GDF3: variants seen among roughly 807,000 people sequenced by gnomAD.
GDF3 encodes the protein growth differentiation factor 3.
In GDF3, 10 loss-of-function variants were observed where a neutral mutation model predicts 10.2. The observed-to-expected ratio is 0.98, with a 90% confidence interval of 0.60 to 1.66. The LOEUF (loss-of-function observed/expected upper bound fraction) is 1.66, where lower values mean the gene tolerates loss of function less well. Among genes scored for constraint, GDF3 ranks in the 40% most tolerant of loss-of-function variants. GDF3 has a pLI of 0.00. For synonymous variants in GDF3, 166 were observed against 178.5 expected (o/e 0.93, Z 0.56); for missense variants, 450 against 438.3 (o/e 1.03, Z -0.24).
At chr12:7,691,461 C>T (rs779422338) in intron 1 of GDF3, among the ~76,000 whole-genome samples, 14 of 151,266 alleles carry the variant, frequency 9.3e-5, no homozygotes, top group African/African-American at 3.4e-4. Flanking sequence ...AATCCCAGCA[C>T]GTTGGGAGGC....
Position 7,690,302 on chromosome 12 carries a change from C to G in GDF3, c.671G>C (p.Arg224Thr). Residue 224 changes from arginine to threonine, a missense_variant, in exon 2 of 2, where the codon AGA becomes ACA. Physicochemically the swap from Arg to Thr is moderately conservative, Grantham distance 71. Transcript: ENST00000329913. ...GGAAGCATGAAGGGAGCATCTTAGT[C>G]TGGCACAGGTGTCTTCAGGCTGAAA... The part of the protein sequence containing the change: ...VNFQPEDTCA[R>T]LRCSLHASLL... 1 of 1,614,154 alleles carries G rather than the reference C, an allele frequency of 6.2e-7. No individual in the cohort carries two copies. The highest frequency in any genetic ancestry group is 1.1e-5 in the South Asian group (1 of 91,084).
rs1864111049 is a variant in GDF3 at position 7,690,201 on chromosome 12, G to A, written c.772C>T (p.Leu258Phe). Residue 258 changes from leucine (L) to phenylalanine (F), a missense_variant, in exon 2 of 2, where the codon CTT (leucine) becomes TTT (phenylalanine). By Grantham distance (22) the Leu-to-Phe change is conservative. Coordinates refer to ENST00000329913, the MANE Select transcript of GDF3 (RefSeq NM_020634.3). Reference protein sequence around the residue: ...KRRAAIPVPKLSCKNLCHRHQ... With the variant: ...KRRAAIPVPKFSCKNLCHRHQ... ...CGGTGGCAGAGGTTCTTACAAGAAA[G>A]CTTGGGGACAGGGATGGCTGCTCTC... 2.5e-6 allele frequency: 4 copies of A among 1,614,154 alleles called. No individual in the cohort carries two copies. In the East Asian group the frequency reaches 6.7e-5, roughly 27 times the overall value.
chr12:7,694,352 C>T (rs1220471889), intron 1 of GDF3, among the ~76,000 whole-genome samples: 1 of 151,996 alleles, frequency 6.6e-6, no homozygotes, highest in Non-Finnish European at 1.5e-5. Context: ...CACCTGAAGT[C>T]AGGAGTTCAA....
chr12:7,692,365 G>A (rs1864140521), intron 1 of GDF3, among the ~76,000 whole-genome samples: 1 of 151,730 alleles, frequency 6.6e-6, no homozygotes, highest in African/African-American at 2.4e-5. Context: ...GGGAGGCAGA[G>A]GTTGTGGTGA....
chr12:7,694,202 C>A (rs772219099), intron 1 of GDF3, among the ~76,000 whole-genome samples: 2 of 152,186 alleles, frequency 1.3e-5, no homozygotes, highest in African/African-American at 4.8e-5. Context: ...GGTGGGTCAA[C>A]TCTTGCAGAA....
At chr12:7,690,758 C>A in intron 1 of GDF3, 54 bp from the exon 2 acceptor site, 2 of 984,242 alleles carry the variant, frequency 2.0e-6, no homozygotes, top group Non-Finnish European at 3.3e-6. Flanking sequence ...ACTTCATATC[C>A]ACCTATATAA....
chr12:7,690,448 T>C lies in GDF3; in HGVS notation c.525A>G (p.Pro175=), dbSNP rs1864115754. 2 of 1,614,098 alleles carry C rather than the reference T, an allele frequency of 1.2e-6. No homozygotes were observed. Among genetic ancestry groups the C allele is most frequent in the East Asian group, 2.2e-5 (1 of 44,864 alleles). Residue 175 remains proline (P), a synonymous_variant, in exon 2 of 2, where the codon CCA becomes CCG. Transcript: ENST00000329913. ...KMFVLRSVPW[P]QGAVHFNLLD... ...GCAGGTTGAAGTGAACAGCACCTTG[T>C]GGCCATGGGACTGACCGCAACACAA... is the stretch of plus-strand genomic sequence containing the variant.
At chr12:7,693,305 A>G (rs1864150755) in intron 1 of GDF3, among the ~76,000 whole-genome samples, 1 of 150,922 alleles carries the variant, frequency 6.6e-6, no homozygotes, top group African/African-American at 2.4e-5. Flanking sequence ...CGGGTGTTCA[A>G]TCGATTTTCC....
chr12:7,692,425 C>T (rs953033320), intron 1 of GDF3, among the ~76,000 whole-genome samples: 11 of 148,270 alleles, frequency 7.4e-5, no homozygotes, highest in African/African-American at 2.2e-4. Context: ...AGCAAAACTC[C>T]GTCTCAGTTA....
In GDF3 at chr12:7,690,616, C is replaced by T. The variant is rs753764679; in HGVS notation, c.357G>A (p.Arg119=). ...CCAGCTGGGCCAATGTCAACTGTTC[C>T]CTTTCTTTGATGGCAGACAGGTTAA... is the stretch of plus-strand genomic sequence containing the variant. The part of the protein sequence containing the change: ...LYFNLSAIKE[R]EQLTLAQLGL... The change falls in exon 2 of 2, where the codon AGG becomes AGA. Residue 119 remains arginine (R), a synonymous_variant. Transcript: ENST00000329913. The T allele has an allele frequency of 1.2e-6, 2 of 1,608,706 alleles. No individual in the cohort carries two copies. Among genetic ancestry groups the T allele is most frequent in the African/African-American group, 1.3e-5 (1 of 74,534 alleles).
In GDF3 at chr12:7,695,618, C is replaced by T. The variant is rs376751766; in HGVS notation, c.111G>A (p.Lys37=). ...YVFLQFLGLD[K]APSPQKFQPV... ...GTTGGAACTTCTGGGGTGAAGGCGC[C>T]TTATCTAAGCCCAGAAATTGGAGAA... The change falls in exon 1 of 2, where the codon AAG becomes AAA. Residue 37 remains lysine, a synonymous_variant. Coordinates refer to ENST00000329913, the MANE Select transcript of GDF3 (RefSeq NM_020634.3). The T allele has an allele frequency of 3.7e-5, 59 of 1,614,002 alleles. 1 individual carries two copies. The highest frequency in any genetic ancestry group is 6.7e-5 in the Admixed American group (4 of 59,980).
rs6488591 is a variant in GDF3 at position 7,695,344 on chromosome 12, C to A, written c.268+117G>T. Reference sequence around the variant, plus strand: ...GGATCGTGGCTGGAATTAAATGAGACAAAATATGAAAAATACCAGCACAAG... The same window carrying A: ...GGATCGTGGCTGGAATTAAATGAGAAAAAATATGAAAAATACCAGCACAAG... On this transcript the variant is annotated intron_variant, in intron 1 of 1. Coordinates refer to ENST00000329913, the MANE Select transcript of GDF3 (RefSeq NM_020634.3). The A allele has an allele frequency of 2.5e-5, 26 of 1,023,836 alleles. 1 individual carries two copies. In the East Asian group the frequency reaches 2.8e-4, roughly 11 times the overall value. The allele number at this position is 1,023,836 out of a possible 1,614,324, so 63.4% of individuals were successfully genotyped here. A position where few individuals can be genotyped will look rare whatever the true frequency, so the allele number is the denominator to read the frequency against.
Position 7,691,588 on chromosome 12 carries a change from C to A in GDF3, c.269-884G>T, listed in dbSNP as rs553864519. 2.4e-3 allele frequency among the ~76,000 whole-genome samples: 360 copies of A among 150,302 alleles called. 3 individuals are homozygous for A. Among genetic ancestry groups the A allele is most frequent in the South Asian group, 0.022 (105 of 4,714 alleles). On this transcript the variant is annotated intron_variant, in intron 1 of 1. Transcript: ENST00000329913. ...AAGAAAAGAAAAAGAAAAAAAAAAA[C>A]AAAACACTTATGCTAACACTATGCC...
intron 1 of GDF3, among the ~76,000 whole-genome samples, chr12:7,693,424 T>G (rs1306050975): frequency 9.8e-5 from 11 of 112,364 alleles, no homozygotes; most frequent in Admixed American, 3.2e-4. Flanking sequence ...GTCAGGGGAG[T>G]GGGGGGAGGG....
Position 7,690,093 on chromosome 12 carries a change from G to C in GDF3, c.880C>G (p.His294Asp), listed in dbSNP as rs1175697361. ...GTCAGTGAGAAGGGACACTCTCCAT[G>C]GCAGTAATTTGCCATGAACCCCTTG... Reference protein sequence around the residue: ...APKGFMANYCHGECPFSLTIS... With the variant: ...APKGFMANYCDGECPFSLTIS... Residue 294 changes from histidine (H) to aspartate (D), a missense_variant, in exon 2 of 2, where the codon CAT becomes GAT. Transcript: ENST00000329913. 1 of 1,614,074 alleles carries C rather than the reference G, an allele frequency of 6.2e-7. No homozygotes were observed. Among genetic ancestry groups the C allele is most frequent in the Admixed American group, 1.7e-5 (1 of 59,980 alleles).
intron 1 of GDF3, among the ~76,000 whole-genome samples, chr12:7,694,717 G>T (rs745394371): frequency 3.3e-5 from 5 of 151,948 alleles, no homozygotes; most frequent in African/African-American, 7.3e-5. Context: ...ACTAACCAAG[G>T]CTCTAAATTC....
rs780667706 is a variant in GDF3 at position 7,695,555 on chromosome 12, G to A, written c.174C>T (p.Arg58=). The A allele has an allele frequency of 9.4e-5, 151 of 1,614,012 alleles. 2 individuals carry two copies. The South Asian group carries it at 1.1e-3, about 11-fold the overall frequency. Residue 58 remains arginine (R), a synonymous_variant, in exon 1 of 2, where the codon CGC becomes CGT. Transcript: ENST00000329913. The part of the protein sequence containing the change: ...PYILKKIFQD[R]EAAATTGVSR... Reference sequence around the variant, plus strand: ...AGACCCCAGTGGTCGCTGCTGCCTCGCGATCCTGGAAAATTTTCTTCAAGA... The same window carrying A: ...AGACCCCAGTGGTCGCTGCTGCCTCACGATCCTGGAAAATTTTCTTCAAGA...
chr12:7,689,894 T>C lies in GDF3; in HGVS notation c.1079A>G (p.Glu360Gly). ...LRHYEDMVVD[E>G]CGCG ...TCTGACATCCTACCCACACCCACAT[T>C]CATCGACTACCATGTCTTCATAATG... The change falls in exon 2 of 2, where the codon GAA becomes GGA. Residue 360 changes from glutamate to glycine, a missense_variant. Glu to Gly is a moderately conservative substitution (Grantham distance 98, BLOSUM62 -2). Transcript: ENST00000329913. 1 of 1,610,370 alleles carries C rather than the reference T, an allele frequency of 6.2e-7. No homozygotes were observed. Among genetic ancestry groups the C allele is most frequent in the Non-Finnish European group, 8.5e-7 (1 of 1,176,596 alleles).
Position 7,690,076 on chromosome 12 carries a change from G to C in GDF3, c.897C>G (p.Phe299Leu). 2 of 1,614,158 alleles carry C rather than the reference G, an allele frequency of 1.2e-6. No individual in the cohort carries two copies. The highest frequency in any genetic ancestry group is 1.7e-6 in the Non-Finnish European group (2 of 1,180,016). Reference protein sequence around the residue: ...MANYCHGECPFSLTISLNSSN... With the variant: ...MANYCHGECPLSLTISLNSSN... Reference sequence around the variant, plus strand: ...AGCTGTTGAGAGAGATGGTCAGTGAGAAGGGACACTCTCCATGGCAGTAAT... The same window carrying C: ...AGCTGTTGAGAGAGATGGTCAGTGACAAGGGACACTCTCCATGGCAGTAAT... Residue 299 changes from phenylalanine to leucine, a missense_variant, in exon 2 of 2, where the codon TTC becomes TTG. By Grantham distance (22) the Phe-to-Leu change is conservative. Coordinates refer to ENST00000329913, the MANE Select transcript of GDF3 (RefSeq NM_020634.3).
Sources: allele counts gnomAD v4.1 joint callset (sites outside exome capture counted in the v4.1 genomes callset), GRCh38; gene constraint gnomAD v4.1.1; transcripts MANE v1.5; gene names NCBI Gene and HGNC (gene_info 2026-07-23, HGNC 2026-07-21).